Variants in PPP2R5C observed in about 807,000 individuals in gnomAD.
PPP2R5C encodes the protein protein phosphatase 2 regulatory subunit B'gamma.
PPP2R5C carries 7 observed loss-of-function variants against 68.9 expected under a neutral mutation model. That is an observed-to-expected ratio of 0.10 (90% CI 0.06 to 0.19). The LOEUF is 0.19. PPP2R5C is among the 10% of genes least tolerant of loss of function. The pLI, the probability that PPP2R5C is intolerant of heterozygous loss-of-function variation, is 1.00. For missense variants in PPP2R5C, 348 were observed against 641.3 expected (o/e 0.54, Z 4.94); for synonymous variants, 210 against 222.2 (o/e 0.95, Z 0.49).
In PPP2R5C at chr14:101,882,466, G is replaced by A. The variant is rs2044223342; in HGVS notation, c.405+195G>A. 4 of 455,884 alleles carry A rather than the reference G, an allele frequency of 8.8e-6. No individual in the cohort carries two copies. Among genetic ancestry groups the A allele is most frequent in the Middle Eastern group, 4.0e-4 (1 of 2,496 alleles). 28.2% of individuals were successfully genotyped at this position (455,884 alleles called of 1,614,324 possible). A position where few individuals can be genotyped will look rare whatever the true frequency, so the allele number is the denominator to read the frequency against. On this transcript the variant is annotated intron_variant, in intron 3 of 13. Transcript: ENST00000334743. This position sits in a 1 kb window ranked among gnomAD's most constrained non-coding sequence, Gnocchi z 4.9. ...GTGTGTGTTTGACCACTTTACAACA[G>A]CCAGTGAAGATGTGTAATTGTGAGT...
rs569046748 is a variant in PPP2R5C, at chr14:101,911,353, G to A, written c.1254-1048G>A. The stretch of plus-strand genomic sequence containing the variant: ...AAAAGAACACAAAATACACCTAAGT[G>A]AACTATAGAGCATGAGAGATGACAA... On this transcript the variant is annotated intron_variant, in intron 11 of 13. Coordinates refer to ENST00000334743, the Ensembl canonical transcript of PPP2R5C. Among the ~76,000 whole-genome samples, 21 of 152,292 alleles carry A rather than the reference G, an allele frequency of 1.4e-4. 1 individual carries two copies. Among genetic ancestry groups the A allele is most frequent in the African/African-American group, 5.1e-4 (21 of 41,566 alleles).
In PPP2R5C at chr14:101,924,445, C is replaced by CTT. The variant is rs11325673; in HGVS notation, c.1444-685_1444-684dup. 7.1e-5 allele frequency among the ~76,000 whole-genome samples: 6 copies of CTT among 84,502 alleles called. 2 individuals are homozygous for CTT. The highest frequency in any genetic ancestry group is 1.6e-4 in the Non-Finnish European group (6 of 38,540). The allele number at this position is 84,502 out of a possible 152,430, so 55.4% of individuals were successfully genotyped here. ...TTTACCTCCAAGGAAATTTCTACAT[C>CTT]TTTTTTTTTTTTGAGATGGAGTCTG... On this transcript the variant is annotated intron_variant, in intron 13 of 13. Coordinates refer to ENST00000334743, the Ensembl canonical transcript of PPP2R5C.
chr14:101,884,913 T>C (rs2044397851), intron 5 of PPP2R5C, among the ~76,000 whole-genome samples: 1 of 152,240 alleles, frequency 6.6e-6, no homozygotes, highest in African/African-American at 2.4e-5. Context: ...CAAGTGAATG[T>C]CAATAGAGGA....
At position 101,917,837 on chromosome 14, in the gene PPP2R5C, G is replaced by A. The variant is rs1051800267; in HGVS notation, c.1333G>A (p.Val445Met). Residue 445 changes from valine to methionine, a missense_variant, in exon 13 of 14, where the codon GTG becomes ATG. By Grantham distance (21) the Val-to-Met change is conservative. Around this residue, in one of 4 missense-constraint regions of PPP2R5C, gnomAD observed 118 missense variants for 108.9 expected, o/e 1.08. Coordinates refer to ENST00000334743, the Ensembl canonical transcript of PPP2R5C. The surrounding 1 kb of genome is among the most constrained non-coding windows in gnomAD (Gnocchi z 4.4). Reference sequence around the variant, plus strand: ...TCCACGCTTTGCATTGCAGTACACAGTGTATAGTCAAGCCAGCACCATGAG... The same window carrying A: ...TCCACGCTTTGCATTGCAGTACACAATGTATAGTCAAGCCAGCACCATGAG... 1 of 1,613,540 alleles carries A rather than the reference G, an allele frequency of 6.2e-7. No homozygotes were observed. The highest frequency in any genetic ancestry group is 1.3e-5 in the African/African-American group (1 of 74,876).
chr14:101,811,723 T>C (rs1381201180), intron 1 of PPP2R5C, among the ~76,000 whole-genome samples: 3 of 152,234 alleles, frequency 2.0e-5, no homozygotes, highest in African/African-American at 7.2e-5. Flanking sequence ...ACTTTTAAGG[T>C]ATCCACTTAT....
intron 2 of PPP2R5C, among the ~76,000 whole-genome samples, chr14:101,871,306 A>G (rs904876687): frequency 4.6e-5 from 7 of 151,970 alleles, no homozygotes; most frequent in African/African-American, 1.5e-4. Flanking sequence ...CAGTGGCACA[A>G]TCTCTGCTCA....
At chr14:101,813,157 T>C (rs1419660118) in intron 1 of PPP2R5C, among the ~76,000 whole-genome samples, 1 of 152,206 alleles carries the variant, frequency 6.6e-6, no homozygotes, top group East Asian at 1.9e-4. Flanking sequence ...ACTTAACATA[T>C]ACAGCTGAGA....
intron 2 of PPP2R5C, among the ~76,000 whole-genome samples, chr14:101,863,530 AG>A (rs2042879286): frequency 6.6e-6 from 1 of 152,202 alleles, no homozygotes; most frequent in African/African-American, 2.4e-5. Flanking sequence ...AAGACCAAAA[AG>A]TTTCAGAGCT....
chr14:101,848,108 G>A (rs1403450725), intron 1 of PPP2R5C, among the ~76,000 whole-genome samples: 1 of 152,170 alleles, frequency 6.6e-6, no homozygotes, highest in Non-Finnish European at 1.5e-5. Context: ...TCTTTTAAGA[G>A]AGAATCTTTA....
intron 2 of PPP2R5C, among the ~76,000 whole-genome samples, chr14:101,860,532 G>A (rs369737789): frequency 1.3e-4 from 20 of 152,136 alleles, no homozygotes; most frequent in Admixed American, 9.2e-4. Context: ...GTGTGTTTTC[G>A]TATCTCTTGG....
At position 101,792,417 on chromosome 14, in the gene PPP2R5C, G is replaced by A. The variant is rs529538147; in HGVS notation, c.259+6234G>A. Reference sequence around the variant, plus strand: ...ACAACAGTTGATAATCCTTGCCTGAGTCAGTAGTTTCAGTTTCACTAGCGA... The same window carrying A: ...ACAACAGTTGATAATCCTTGCCTGAATCAGTAGTTTCAGTTTCACTAGCGA... On this transcript the variant is annotated intron_variant, in intron 3 of 14. Coordinates refer to the PPP2R5C transcript ENST00000328724. Among the ~76,000 whole-genome samples the A allele has an allele frequency of 7.9e-5, 12 of 152,318 alleles. No individual in the cohort carries two copies. In the South Asian group the frequency reaches 2.5e-3, roughly 32 times the overall value.
intron 1 of PPP2R5C, among the ~76,000 whole-genome samples, chr14:101,838,611 C>T (rs2140397231): frequency 6.6e-6 from 1 of 152,384 alleles, no homozygotes; most frequent in South Asian, 2.1e-4. Context: ...CCCCAGGAGG[C>T]TGTGAAAAGC....
rs141909618 is a variant in PPP2R5C at position 101,852,587 on chromosome 14, G to C, written c.95-4099G>C. ...GGGTTCAAGCGATTCTCTTGCCTCA[G>C]CCTCCCAAGTAGCTGGGATTACAGG... On this transcript the variant is annotated intron_variant, in intron 1 of 13. Transcript: ENST00000334743. Among the ~76,000 whole-genome samples, 410 of 150,152 alleles carry C rather than the reference G, an allele frequency of 2.7e-3. 7 individuals are homozygous for C. The highest frequency in any genetic ancestry group is 5.9e-4 in the Non-Finnish European group (40 of 67,782).
rs1246017549 is a variant in PPP2R5C, at chr14:101,927,463, C to T, written c.*2191C>T. 2.0e-5 allele frequency: 3 copies of T among 152,606 alleles called. No individual in the cohort carries two copies. The East Asian group carries it at 5.8e-4, about 29-fold the overall frequency. 9.5% of individuals were successfully genotyped at this position (152,606 alleles called of 1,614,324 possible). A position where few individuals can be genotyped will look rare whatever the true frequency, so the allele number is the denominator to read the frequency against. ...TTGTATAGAGACTGTTTATTCTGTACCAAACTGATTTCAAAAGTACTACAT... is the reference window on the plus strand; with the variant it reads ...TTGTATAGAGACTGTTTATTCTGTATCAAACTGATTTCAAAAGTACTACAT... On this transcript the variant is annotated 3_prime_UTR_variant, in exon 14 of 14. Coordinates refer to ENST00000334743, the Ensembl canonical transcript of PPP2R5C.
At chr14:101,848,770 G>T (rs1374492729) in intron 1 of PPP2R5C, among the ~76,000 whole-genome samples, 1 of 152,208 alleles carries the variant, frequency 6.6e-6, no homozygotes, top group Non-Finnish European at 1.5e-5. Context: ...GAGGGTGGGT[G>T]TGTGGAAGGA....
Position 101,891,208 on chromosome 14 carries a change from G to A in PPP2R5C, c.689+912G>A, listed in dbSNP as rs1025659093. On this transcript the variant is annotated intron_variant, in intron 6 of 13. Coordinates refer to ENST00000334743, the Ensembl canonical transcript of PPP2R5C. The surrounding 1 kb of genome is among the most constrained non-coding windows in gnomAD (Gnocchi z 4.9). Reference sequence around the variant, plus strand: ...ACCTTTTTAGGGATGTAGTGTAGATGGGCAGTTCCGGGTTCTCAGGAGCCT... The same window carrying A: ...ACCTTTTTAGGGATGTAGTGTAGATAGGCAGTTCCGGGTTCTCAGGAGCCT... 2.0e-5 allele frequency among the ~76,000 whole-genome samples: 3 copies of A among 150,348 alleles called. No individual in the cohort carries two copies. Among genetic ancestry groups the A allele is most frequent in the South Asian group, 4.2e-4 (2 of 4,722 alleles).
At chr14:101,895,821 T>G (rs2045282990) in intron 8 of PPP2R5C, among the ~76,000 whole-genome samples, 1 of 152,194 alleles carries the variant, frequency 6.6e-6, no homozygotes, top group Non-Finnish European at 1.5e-5. Context: ...TCAGTTCCTT[T>G]GGATATATAT....
At chr14:101,903,963 C>T (rs1344628844) in intron 9 of PPP2R5C, among the ~76,000 whole-genome samples, 1 of 152,148 alleles carries the variant, frequency 6.6e-6, no homozygotes, top group African/African-American at 2.4e-5. Context: ...CATAAGCCAC[C>T]GCGCCAGCTC....
chr14:101,855,329 C>G (rs1453382593), intron 1 of PPP2R5C, among the ~76,000 whole-genome samples: 1 of 152,094 alleles, frequency 6.6e-6, no homozygotes, highest in Non-Finnish European at 1.5e-5. Flanking sequence ...CAGTCTGTTG[C>G]CATATGTTGC....
Sources: gnomAD v4.1 joint callset for allele counts (sites outside exome capture counted in the v4.1 genomes callset) on GRCh38, gnomAD v4.1.1 for gene constraint, gnomAD v4.1.1 regional missense constraint, Gnocchi (gnomAD v3.1) non-coding constraint, MANE v1.5 for transcripts, NCBI Gene and HGNC (gene_info 2026-07-23, HGNC 2026-07-21) for gene names.